FAT3: variants seen among roughly 807,000 people sequenced by gnomAD.
The protein encoded by FAT3 is FAT atypical cadherin 3, also known as protocadherin Fat 3.
In FAT3, 95 loss-of-function variants were observed where a neutral mutation model predicts 310.2. The observed-to-expected ratio is 0.31, with a 90% confidence interval of 0.26 to 0.36. The LOEUF (loss-of-function observed/expected upper bound fraction) is 0.36. Ranked by LOEUF, FAT3 falls within the 10% of genes least tolerant of loss-of-function variation. FAT3 has a pLI of 1.00. For synonymous variants in FAT3, 2,314 were observed against 2,192.9 expected (o/e 1.06, Z -1.54); for missense variants, 5,408 against 5,715.6 (o/e 0.95, Z 1.74).
chr11:92,834,501 G>C (rs1025618457), intron 14 of FAT3, among the ~76,000 whole-genome samples: 3 of 152,162 alleles, frequency 2.0e-5, no homozygotes, highest in African/African-American at 4.8e-5. Flanking sequence ...GCTCATTCTT[G>C]GTCTTCCTCT....
intron 7 of FAT3, among the ~76,000 whole-genome samples, chr11:92,779,272 C>G (rs1382880715): frequency 1.3e-5 from 2 of 152,120 alleles, no homozygotes; most frequent in Non-Finnish European, 2.9e-5. Context: ...AAGAGGAATT[C>G]TACCCATAGT....
Position 92,538,309 on chromosome 11 carries a change from G to A in FAT3, c.3607+13361G>A, listed in dbSNP as rs151154709. 1.2e-3 allele frequency among the ~76,000 whole-genome samples: 186 copies of A among 152,192 alleles called. 1 individual carries two copies. The Middle Eastern group carries it at 0.017, about 14-fold the overall frequency. On this transcript the variant is annotated intron_variant, in intron 3 of 27. Transcript: ENST00000525166. ...AATTCACCAGTACACCCACAAGAAG[G>A]ATGGAATCCTCTCAGTTGGAAGCCC... is the stretch of plus-strand genomic sequence containing the variant.
intron 2 of FAT3, among the ~76,000 whole-genome samples, chr11:92,437,701 C>T (rs936859941): frequency 2.0e-5 from 3 of 152,106 alleles, no homozygotes; most frequent in Non-Finnish European, 2.9e-5. Context: ...AATTGAGGGT[C>T]TTAATGGGAA....
intron 3 of FAT3, among the ~76,000 whole-genome samples, chr11:92,676,531 A>G (rs1335149720): frequency 1.3e-5 from 2 of 152,194 alleles, no homozygotes; most frequent in Non-Finnish European, 2.9e-5. Context: ...ACACCTGGAA[A>G]CCTCCTGAAA....
At chr11:92,880,331 CA>C (rs1164979604) in intron 22 of FAT3, among the ~76,000 whole-genome samples, 3 of 148,224 alleles carry the variant, frequency 2.0e-5, no homozygotes, top group African/African-American at 7.5e-5. Flanking sequence ...CGAGATAGGA[CA>C]GTGACTCAGG....
intron 1 of FAT3, among the ~76,000 whole-genome samples, chr11:92,263,326 ACACACACACACAC>A: frequency 6.6e-6 from 1 of 151,460 alleles, no homozygotes; most frequent in East Asian, 1.9e-4. Context: ...ACACACATAT[ACACACACACACAC>A]CACACACACA....
At chr11:92,486,093 A>G (rs1228359117) in intron 2 of FAT3, among the ~76,000 whole-genome samples, 3 of 142,322 alleles carry the variant, frequency 2.1e-5, no homozygotes, top group East Asian at 2.1e-4. Context: ...GAATTCCTCT[A>G]AGGACTCATA....
At chr11:92,478,108 G>A (rs1455751654) in intron 2 of FAT3, among the ~76,000 whole-genome samples, 3 of 152,172 alleles carry the variant, frequency 2.0e-5, no homozygotes, top group Non-Finnish European at 4.4e-5. Flanking sequence ...GGCTATGTGA[G>A]GCCAGGCAAA....
At chr11:92,574,530 A>G (rs933771989) in intron 3 of FAT3, among the ~76,000 whole-genome samples, 1 of 152,098 alleles carries the variant, frequency 6.6e-6, no homozygotes, top group African/African-American at 2.4e-5. Context: ...ATGAATCACT[A>G]TGGGAAATGT....
chr11:92,865,175 A>C (rs1949209906), intron 21 of FAT3, among the ~76,000 whole-genome samples: 1 of 152,216 alleles, frequency 6.6e-6, no homozygotes. Context: ...TGACCTACGA[A>C]ATTTTATGCA....
intron 4 of FAT3, among the ~76,000 whole-genome samples, chr11:92,739,851 A>G (rs1945454470): frequency 6.6e-6 from 1 of 152,140 alleles, no homozygotes; most frequent in Non-Finnish European, 1.5e-5. Flanking sequence ...TTGGCTCCCC[A>G]CTAAATAAAG....
intron 1 of FAT3, among the ~76,000 whole-genome samples, chr11:92,256,826 T>C (rs771722402): frequency 3.3e-5 from 5 of 152,136 alleles, no homozygotes; most frequent in Non-Finnish European, 5.9e-5. Context: ...TCTGAGATTA[T>C]ATAGCGAATA....
intron 2 of FAT3, among the ~76,000 whole-genome samples, chr11:92,471,915 CTATATATATATATATATATATATATATA>C (rs140886151): frequency 8.0e-6 from 1 of 124,940 alleles, no homozygotes; most frequent in African/African-American, 3.1e-5. Flanking sequence ...TTTTCATATG[CTATATATATATATATATATATATATATA>C]TATATATATA....
intron 3 of FAT3, among the ~76,000 whole-genome samples, chr11:92,639,690 G>A (rs774011006): frequency 1.3e-5 from 2 of 152,146 alleles, no homozygotes; most frequent in African/African-American, 4.8e-5. Context: ...TATTTGAGGG[G>A]CCTGCTGGTT....
rs1483707443 is a variant in FAT3 at position 92,894,353 on chromosome 11, C to G, written c.*3240C>G. 1 of 152,072 alleles carries G rather than the reference C, an allele frequency of 6.6e-6. No homozygotes were observed. Among genetic ancestry groups the G allele is most frequent in the Non-Finnish European group, 1.5e-5 (1 of 67,986 alleles). The allele number at this position is 152,072 out of a possible 1,614,324, so 9.4% of individuals were successfully genotyped here. A position where few individuals can be genotyped will look rare whatever the true frequency, so the allele number is the denominator to read the frequency against. ...TGATTATACTGTTACCTACTGGTTGCATTTTTGGTTTTGGTTTTGCATTTT... is the reference window on the plus strand; with the variant it reads ...TGATTATACTGTTACCTACTGGTTGGATTTTTGGTTTTGGTTTTGCATTTT... On this transcript the variant is annotated 3_prime_UTR_variant, in exon 28 of 28. Transcript: ENST00000525166.
intron 2 of FAT3, among the ~76,000 whole-genome samples, chr11:92,419,001 A>G (rs1950480880): frequency 1.3e-5 from 2 of 152,148 alleles, no homozygotes. Context: ...TAAATATTAC[A>G]GATGAAGCAA....
chr11:92,889,922 TTGTG>T, intron 27 of FAT3, 31 bp downstream of exon 27: 1 of 717,932 alleles, frequency 1.4e-6, no homozygotes, highest in Non-Finnish European at 2.6e-6. Flanking sequence ...GCATAACTTT[TTGTG>T]TGTTTGTTTT....
intron 15 of FAT3, among the ~76,000 whole-genome samples, chr11:92,835,519 A>T (rs1565635642): frequency 6.6e-6 from 1 of 152,128 alleles, no homozygotes; most frequent in East Asian, 1.9e-4. Flanking sequence ...CAAAACGGCT[A>T]AGAGTAAGTT....
rs1011156639 is a variant in FAT3, at chr11:92,379,582, G to C, written c.3292+24178G>C. ...AGAAGACAAAATGACTTAAACCTTG[G>C]ACTGGGACAATTCATTTTCTGACAG... On this transcript the variant is annotated intron_variant, in intron 2 of 27. Coordinates refer to ENST00000525166, the MANE Select transcript of FAT3 (RefSeq NM_001367949.2). Among the ~76,000 whole-genome samples, 25 of 152,252 alleles carry C rather than the reference G, an allele frequency of 1.6e-4. 1 individual carries two copies. Among genetic ancestry groups the C allele is most frequent in the East Asian group, 7.7e-4 (4 of 5,166 alleles).
Sources: allele counts gnomAD v4.1 joint callset (sites outside exome capture counted in the v4.1 genomes callset), GRCh38; gene constraint gnomAD v4.1.1; transcripts MANE v1.5; gene names NCBI Gene and HGNC (gene_info 2026-07-23, HGNC 2026-07-21).